Variants in UNC13C observed in about 807,000 individuals in gnomAD.
The protein encoded by UNC13C is unc-13 homolog C, also known as protein unc-13 homolog C.
A neutral mutation model predicts 245.4 loss-of-function variants in UNC13C; 174 were observed. The ratio of observed to expected loss-of-function variants is 0.71; its 90% CI spans 0.63 to 0.80. UNC13C has a LOEUF of 0.80. UNC13C is among the 30% of genes least tolerant of loss of function. The pLI is 0.00. For synonymous variants in UNC13C, 992 were observed against 895.1 expected (o/e 1.11, Z -1.93); for missense variants, 2,829 against 2,602.9 (o/e 1.09, Z -1.89).
At chr15:54,550,075 A>C (rs1181613254) in intron 28 of UNC13C, among the ~76,000 whole-genome samples, 1 of 152,160 alleles carries the variant, frequency 6.6e-6, no homozygotes, top group African/African-American at 2.4e-5. Context: ...AGATGTTCTG[A>C]CTAAATGACC....
chr15:54,546,916 C>G (rs1277851820), intron 27 of UNC13C, 71 bp downstream of exon 27: 1 of 1,312,498 alleles, frequency 7.6e-7, no homozygotes, highest in East Asian at 2.8e-5. Context: ...GGTTTTCATC[C>G]AGATGAAATA....
the UNC13C span, among the ~76,000 whole-genome samples, chr15:53,856,401 A>G: frequency 1.3e-5 from 2 of 151,356 alleles, no homozygotes; most frequent in Non-Finnish European, 2.9e-5. Context: ...GAGATGTTAT[A>G]TTGTTAACTT....
rs761111569 is a variant in UNC13C, at chr15:54,014,283, C to T, written c.1380C>T (p.Leu460=). The change falls in exon 2 of 33, where the codon CTC becomes CTT. Residue 460 remains leucine (L), a synonymous_variant. Coordinates refer to ENST00000260323, the MANE Select transcript of UNC13C (RefSeq NM_001080534.3). ...GTGATGAAGATCTTGAATCTGACCTCAATAGAAACAGTTACGCTGTGCTTT... is the reference window on the plus strand; with the variant it reads ...GTGATGAAGATCTTGAATCTGACCTTAATAGAAACAGTTACGCTGTGCTTT... ...DDSDEDLESD[L]NRNSYAVLSK... is the part of the protein sequence containing the mutation. 3.7e-6 allele frequency: 6 copies of T among 1,613,868 alleles called. No homozygotes were observed. The highest frequency in any genetic ancestry group is 5.1e-6 in the Non-Finnish European group (6 of 1,179,820).
chr15:54,303,050 T>A (rs868108608), intron 13 of UNC13C, among the ~76,000 whole-genome samples: 10 of 151,948 alleles, frequency 6.6e-5, no homozygotes, highest in African/African-American at 2.4e-4. Flanking sequence ...GAAAAAAAAA[T>A]AAGAAACCTT....
At chr15:54,464,691 C>T (rs1193665876) in intron 19 of UNC13C, among the ~76,000 whole-genome samples, 3 of 152,172 alleles carry the variant, frequency 2.0e-5, no homozygotes, top group Non-Finnish European at 4.4e-5. Context: ...ATAGCAGTCA[C>T]ATACATAGAA....
chr15:54,008,395 A>T (rs1895236598), intron 1 of UNC13C, among the ~76,000 whole-genome samples: 1 of 152,216 alleles, frequency 6.6e-6, no homozygotes, highest in South Asian at 2.1e-4. Flanking sequence ...TAAACTTTAG[A>T]AAATTGCATA....
intron 2 of UNC13C, among the ~76,000 whole-genome samples, chr15:54,030,516 G>A (rs1896313013): frequency 6.6e-6 from 1 of 152,154 alleles, no homozygotes; most frequent in African/African-American, 2.4e-5. Context: ...TAGTAAATAA[G>A]CAAAAACTTT....
chr15:53,860,543 C>G, the UNC13C span, among the ~76,000 whole-genome samples: 1 of 152,096 alleles, frequency 6.6e-6, no homozygotes, highest in African/African-American at 2.4e-5. Flanking sequence ...GGAAATTTCC[C>G]TCTTAGAATG....
chr15:54,250,299 G>A lies in UNC13C; in HGVS notation c.3303G>A (p.Glu1101=), dbSNP rs369627057. Residue 1101 remains glutamate (E), a synonymous_variant, in exon 8 of 33, where the codon GAG becomes GAA. Coordinates refer to ENST00000260323, the MANE Select transcript of UNC13C (RefSeq NM_001080534.3). ...CTTCTACCATCCCACACAATTTTGA[G>A]GTCTGGACGGCTACCACACCCACCT... ...PMSSTIPHNF[E]VWTATTPTYC... is the part of the protein sequence containing the mutation. The A allele has an allele frequency of 2.2e-5, 35 of 1,613,784 alleles. No homozygotes were observed. In the African/African-American group the frequency reaches 4.5e-4, roughly 21 times the overall value.
intron 30 of UNC13C, among the ~76,000 whole-genome samples, chr15:54,591,312 T>G (rs769159133): frequency 2.0e-5 from 3 of 151,872 alleles, no homozygotes; most frequent in African/African-American, 7.2e-5. Flanking sequence ...ACAGAATGAA[T>G]TAAGGAGGGT....
chr15:53,847,969 G>A, the UNC13C span, among the ~76,000 whole-genome samples: 1 of 152,100 alleles, frequency 6.6e-6, no homozygotes, highest in African/African-American at 2.4e-5. Context: ...ATGGGCACAT[G>A]ACATTTCATC....
intron 28 of UNC13C, 73 bp from the exon 29 acceptor site, chr15:54,555,359 A>G (rs1897043516): frequency 8.1e-7 from 1 of 1,234,772 alleles, no homozygotes; most frequent in South Asian, 1.3e-5. Context: ...GGGATAATAC[A>G]GATTATGTTT....
chr15:54,620,785 C>CAAA (rs34567553), intron 30 of UNC13C, among the ~76,000 whole-genome samples: 6 of 134,962 alleles, frequency 4.4e-5, no homozygotes, highest in African/African-American at 1.7e-4. Context: ...GACCCTGTCT[C>CAAA]AAAAAAAAAA....
chr15:53,950,609 A>G, the UNC13C span, among the ~76,000 whole-genome samples: 161 of 152,328 alleles, frequency 1.1e-3, no homozygotes, highest in African/African-American at 3.7e-3. Context: ...TTAATTTTAG[A>G]TTACATGCAG....
the UNC13C span, chr15:53,911,124 C>T: frequency 6.6e-6 from 1 of 152,184 alleles, no homozygotes; most frequent in Non-Finnish European, 1.5e-5. Context: ...TCTGACAGCA[C>T]TGCAGGAAGT....
intron 2 of UNC13C, among the ~76,000 whole-genome samples, chr15:54,096,470 C>G (rs918421088): frequency 1.3e-5 from 2 of 152,254 alleles, no homozygotes; most frequent in African/African-American, 2.4e-5. Flanking sequence ...TTCCCCTTAA[C>G]AGCAAAACTT....
intron 31 of UNC13C, 32 bp downstream of exon 31, chr15:54,622,451 C>T (rs758033518): frequency 3.3e-6 from 5 of 1,496,770 alleles, no homozygotes. Context: ...ATCAAAACAG[C>T]CTTCTAAACT....
chr15:54,021,136 T>A (rs556182458), intron 2 of UNC13C, among the ~76,000 whole-genome samples: 1 of 152,320 alleles, frequency 6.6e-6, no homozygotes, highest in African/African-American at 2.4e-5. Flanking sequence ...TGTAGAAAGA[T>A]TCAAAGAAGC....
intron 13 of UNC13C, among the ~76,000 whole-genome samples, chr15:54,305,256 A>C (rs1214295383): frequency 6.6e-6 from 1 of 152,078 alleles, no homozygotes; most frequent in Admixed American, 6.6e-5. Flanking sequence ...AGAAAGTGAA[A>C]ATGAAAAGTT....
Sources: allele counts gnomAD v4.1 joint callset (sites outside exome capture counted in the v4.1 genomes callset), GRCh38; gene constraint gnomAD v4.1.1; transcripts MANE v1.5; gene names NCBI Gene and HGNC (gene_info 2026-07-23, HGNC 2026-07-21).